TMPRSS15: variants seen among roughly 807,000 people sequenced by gnomAD.
The protein encoded by TMPRSS15 is transmembrane serine protease 15.
A neutral mutation model predicts 125.3 loss-of-function variants in TMPRSS15; 128 were observed. That is an observed-to-expected ratio of 1.02 (90% CI 0.89 to 1.18). The LOEUF (loss-of-function observed/expected upper bound fraction) is 1.18. TMPRSS15 is among the 50% of genes most tolerant of loss of function. The pLI is 0.00. For missense variants in TMPRSS15, 1,283 were observed against 1,212.7 expected, an observed-to-expected ratio of 1.06 and a Z score of -0.86; for synonymous variants, 446 against 423.2, an observed-to-expected ratio of 1.05 and a Z score of -0.66.
intron 8 of TMPRSS15, among the ~76,000 whole-genome samples, 158 bp from the exon 9 acceptor site, chr21:18,354,021 TG>T (rs1412625037): frequency 3.3e-5 from 5 of 151,984 alleles, no homozygotes; most frequent in Admixed American, 6.6e-5. Flanking sequence ...GTCTTACATT[TG>T]TTTTAATTAA....
chr21:18,413,301 C>T (rs1296696217), intron 1 of TMPRSS15, among the ~76,000 whole-genome samples: 4 of 87,040 alleles, frequency 4.6e-5, no homozygotes, highest in Admixed American at 1.4e-4. Context: ...TCTTTTCTTT[C>T]TTTTCTTTCT....
upstream of TMPRSS15, among the ~76,000 whole-genome samples, chr21:18,407,640 T>C (rs1021224930): frequency 2.0e-5 from 3 of 151,960 alleles, no homozygotes; most frequent in Admixed American, 2.0e-4. Context: ...TTTTTTCTTT[T>C]TGTAGAAATG....
intron 13 of TMPRSS15, among the ~76,000 whole-genome samples, chr21:18,340,450 C>CT (rs1182877268): frequency 1.3e-5 from 2 of 152,074 alleles, no homozygotes; most frequent in African/African-American, 2.4e-5. Flanking sequence ...CTTGGACTGG[C>CT]TTTTTTGCTC....
chr21:18,334,400 T>G (rs2075372202), intron 13 of TMPRSS15, among the ~76,000 whole-genome samples: 1 of 152,200 alleles, frequency 6.6e-6, no homozygotes, highest in Non-Finnish European at 1.5e-5. Flanking sequence ...GCAAAGTGCT[T>G]CCATGCATGT....
intron 1 of TMPRSS15, among the ~76,000 whole-genome samples, chr21:18,419,393 TTTTTTGTATTTTTAGTAGAGATGGGG>T (rs2076187501): frequency 6.6e-6 from 1 of 151,874 alleles, no homozygotes; most frequent in Admixed American, 6.6e-5. Context: ...GCCCAGCTAA[TTTTTTGTATTTTTAGTAGAGATGGGG>T]TTTCACCGTG....
intron 16 of TMPRSS15, among the ~76,000 whole-genome samples, chr21:18,321,589 G>A (rs2075237750): frequency 1.3e-5 from 2 of 152,140 alleles, no homozygotes; most frequent in African/African-American, 4.8e-5. Context: ...CCTGCCTCTC[G>A]ATCCGCCCGC....
At chr21:18,394,912 T>G (rs144057083) in intron 3 of TMPRSS15, among the ~76,000 whole-genome samples, 1 of 152,122 alleles carries the variant, frequency 6.6e-6, no homozygotes, top group Non-Finnish European at 1.5e-5. Flanking sequence ...ACTAGCATTG[T>G]CAATTCATAG....
intron 1 of TMPRSS15, among the ~76,000 whole-genome samples, chr21:18,454,721 C>A (rs1037198420): frequency 1.3e-5 from 2 of 152,072 alleles, no homozygotes; most frequent in African/African-American, 4.8e-5. Flanking sequence ...CTTCCTCTGC[C>A]TTTTTGTGCT....
In TMPRSS15 at chr21:18,464,337, T is replaced by A. The variant is rs192893439; in HGVS notation, c.10+21462A>T. Among the ~76,000 whole-genome samples, 689 of 151,778 alleles carry A rather than the reference T, an allele frequency of 4.5e-3. 7 individuals are homozygous for A. Among genetic ancestry groups the A allele is most frequent in the African/African-American group, 0.016 (667 of 41,386 alleles). ...AAGATCTAAAATCGACACCCTAACATCACAATTAAAAGAACTAGAGAAGCA... is the reference window on the plus strand; with the variant it reads ...AAGATCTAAAATCGACACCCTAACAACACAATTAAAAGAACTAGAGAAGCA... On this transcript the variant is annotated intron_variant, in intron 1 of 7. Coordinates refer to the TMPRSS15 transcript ENST00000422787.
At chr21:18,341,066 G>A (rs1054850638) in intron 13 of TMPRSS15, among the ~76,000 whole-genome samples, 5 of 151,950 alleles carry the variant, frequency 3.3e-5, no homozygotes, top group African/African-American at 1.2e-4. Flanking sequence ...TTTTTGTTTT[G>A]TTTTGATTTT....
intron 21 of TMPRSS15, among the ~76,000 whole-genome samples, chr21:18,293,393 T>C (rs917150855): frequency 4.6e-5 from 7 of 152,150 alleles, no homozygotes; most frequent in East Asian, 1.9e-4. Context: ...ACAGAGAGGC[T>C]TACTCTAATC....
rs747848562 is a variant in TMPRSS15 at position 18,372,164 on chromosome 21, A to G, written c.664+29T>C. On this transcript the variant is annotated intron_variant, in intron 6 of 24. Transcript: ENST00000284885. ...TCTACAGTGAGGGAGGATAAAACAGAAGGGGAGAGAGTAGGGGGGAGAACT... is the reference window on the plus strand; with the variant it reads ...TCTACAGTGAGGGAGGATAAAACAGGAGGGGAGAGAGTAGGGGGGAGAACT... 24 of 1,594,946 alleles carry G rather than the reference A, an allele frequency of 1.5e-5. No homozygotes were observed. In the Admixed American group the frequency reaches 4.0e-4, roughly 27 times the overall value.
chr21:18,435,517 GC>G (rs2076225883), intron 1 of TMPRSS15, among the ~76,000 whole-genome samples: 1 of 152,146 alleles, frequency 6.6e-6, no homozygotes, highest in African/African-American at 2.4e-5. Flanking sequence ...TTGATGTGCT[GC>G]TAGATTCGGT....
intron 3 of TMPRSS15, among the ~76,000 whole-genome samples, chr21:18,387,612 TACACACAC>T (rs57708622): frequency 0.054 from 7,911 of 145,174 alleles, 540 homozygotes; most frequent in African/African-American, 0.16. Flanking sequence ...CACACACACA[TACACACAC>T]ACACACACAC....
At chr21:18,348,805 GAATA>G (rs1569024740) in intron 10 of TMPRSS15, among the ~76,000 whole-genome samples, 2 of 152,132 alleles carry the variant, frequency 1.3e-5, no homozygotes. Context: ...TATGTTTCTC[GAATA>G]CTTTTGCAGT....
intron 1 of TMPRSS15, among the ~76,000 whole-genome samples, chr21:18,483,943 G>C (rs967189854): frequency 6.6e-6 from 1 of 151,798 alleles, no homozygotes; most frequent in South Asian, 2.1e-4. Flanking sequence ...CAGATTAACT[G>C]ATCTTGTTTA....
At chr21:18,283,210 C>T (rs1246132961) in intron 21 of TMPRSS15, among the ~76,000 whole-genome samples, 1 of 152,130 alleles carries the variant, frequency 6.6e-6, no homozygotes, top group Non-Finnish European at 1.5e-5. Context: ...TGAACAGAGC[C>T]AAATCTCTTC....
intron 1 of TMPRSS15, among the ~76,000 whole-genome samples, chr21:18,468,379 TA>T (rs1346433020): frequency 2.0e-5 from 3 of 152,156 alleles, no homozygotes; most frequent in African/African-American, 7.2e-5. Flanking sequence ...ATAATATTGA[TA>T]TACAATTGCA....
chr21:18,332,068 A>G lies in TMPRSS15; in HGVS notation c.1654+16T>C. 6.2e-7 allele frequency: 1 copy of G among 1,606,118 alleles called. No homozygotes were observed. The highest frequency in any genetic ancestry group is 2.2e-5 in the East Asian group (1 of 44,814). ...TGGACATTTGTTTCTGATGACCTGG[A>G]AAAGAAATGACTCACAGAAAGCCAG... is the stretch of plus-strand genomic sequence containing the variant. On this transcript the variant is annotated intron_variant, in intron 14 of 24. Transcript: ENST00000284885.
Sources: gnomAD v4.1 joint callset for allele counts (sites outside exome capture counted in the v4.1 genomes callset) on GRCh38, gnomAD v4.1.1 for gene constraint, MANE v1.5 for transcripts, NCBI Gene and HGNC (gene_info 2026-07-23, HGNC 2026-07-21) for gene names.